The following B3GLCT variants were observed in gnomAD, a reference collection of about 807,000 sequenced individuals.
The protein encoded by B3GLCT is beta 3-glucosyltransferase.
A neutral mutation model predicts 63.4 loss-of-function variants in B3GLCT; 65 were observed. The ratio of observed to expected loss-of-function variants is 1.03; its 90% CI spans 0.84 to 1.26. The LOEUF is 1.26. B3GLCT is among the 50% of genes most tolerant of loss of function. B3GLCT has a pLI of 0.00. For synonymous variants in B3GLCT, 233 were observed against 219.2 expected (o/e 1.06, Z -0.55); for missense variants, 577 against 604.8 (o/e 0.95, Z 0.48).
intron 1 of B3GLCT, among the ~76,000 whole-genome samples, chr13:31,213,410 TGAAACC>T (rs201384791): frequency 0.026 from 4,003 of 152,182 alleles, 82 homozygotes; most frequent in Non-Finnish European, 0.036. Flanking sequence ...AGTAACATGT[TGAAACC>T]TTGTCTCCAC....
chr13:31,318,491 G>A (rs897515878), intron 13 of B3GLCT, among the ~76,000 whole-genome samples: 2 of 152,150 alleles, frequency 1.3e-5, no homozygotes, highest in Non-Finnish European at 2.9e-5. Context: ...ATTTTGTTTA[G>A]CCAATACAGT....
intron 12 of B3GLCT, among the ~76,000 whole-genome samples, chr13:31,309,338 T>C (rs1874576206): frequency 6.6e-6 from 1 of 152,198 alleles, no homozygotes; most frequent in Non-Finnish European, 1.5e-5. Context: ...GAATTTCTTC[T>C]CCCCAGCAAA....
chr13:31,205,278 C>T (rs1445248984), intron 1 of B3GLCT, among the ~76,000 whole-genome samples: 35 of 145,750 alleles, frequency 2.4e-4, no homozygotes, highest in Admixed American at 1.9e-3. Context: ...GGTGTCTGGT[C>T]GGGCATGGTG....
Position 31,241,388 on chromosome 13 carries a change from A to G in B3GLCT, c.271-5635A>G, listed in dbSNP as rs114122631. Reference sequence around the variant, plus strand: ...TGTCTAGTGGTGACAGTGGAGGCCAAGTGCAAAGCCAGCACATGCAAGTGT... The same window carrying G: ...TGTCTAGTGGTGACAGTGGAGGCCAGGTGCAAAGCCAGCACATGCAAGTGT... On this transcript the variant is annotated intron_variant, in intron 4 of 14. Transcript: ENST00000343307. Among the ~76,000 whole-genome samples, 178 of 152,328 alleles carry G rather than the reference A, an allele frequency of 1.2e-3. 1 individual carries two copies. Among genetic ancestry groups the G allele is most frequent in the African/African-American group, 4.1e-3 (172 of 41,568 alleles).
Position 31,312,662 on chromosome 13 carries a change from C to T in B3GLCT, c.1065-4904C>T, listed in dbSNP as rs542276422. 5 of 152,294 alleles carry T rather than the reference C, an allele frequency of 3.3e-5. No homozygotes were observed. The South Asian group carries it at 1.0e-3, about 32-fold the overall frequency. 9.4% of individuals were successfully genotyped at this position (152,294 alleles called of 1,614,324 possible). A position where few individuals can be genotyped will look rare whatever the true frequency, so the allele number is the denominator to read the frequency against. On this transcript the variant is annotated intron_variant, in intron 12 of 14. Transcript: ENST00000343307. Reference sequence around the variant, plus strand: ...ACTTAGTTAAGAGAGAATAAAGTTGCTTCAATAAGAAGTCGCAGGGAGCTG... The same window carrying T: ...ACTTAGTTAAGAGAGAATAAAGTTGTTTCAATAAGAAGTCGCAGGGAGCTG...
chr13:31,296,458 A>G (rs1415986020), intron 12 of B3GLCT, among the ~76,000 whole-genome samples: 1 of 152,208 alleles, frequency 6.6e-6, no homozygotes, highest in Non-Finnish European at 1.5e-5. Context: ...TCTTCTCAGA[A>G]GGGCATGAAT....
chr13:31,213,691 G>T (rs899732381), intron 1 of B3GLCT, among the ~76,000 whole-genome samples: 8 of 132,530 alleles, frequency 6.0e-5, no homozygotes, highest in African/African-American at 2.3e-4. Flanking sequence ...CAGCTGACAT[G>T]TAAGATAAGT....
chr13:31,328,413 G>C (rs781658081), intron 14 of B3GLCT, among the ~76,000 whole-genome samples: 1 of 151,988 alleles, frequency 6.6e-6, no homozygotes, highest in Non-Finnish European at 1.5e-5. Flanking sequence ...ATGATTACTG[G>C]CTGGGCAAAG....
chr13:31,323,900 G>A lies in B3GLCT; in HGVS notation c.1329+5G>A. 1 of 1,614,092 alleles carries A rather than the reference G, an allele frequency of 6.2e-7. No individual in the cohort carries two copies. Among genetic ancestry groups the A allele is most frequent in the Non-Finnish European group, 8.5e-7 (1 of 1,179,954 alleles). On this transcript the variant is annotated splice_donor_5th_base_variant and intron_variant, in intron 14 of 14. Transcript: ENST00000343307. ...CACAGCCCTCTCTTCCATCAGGTGA[G>A]GAAATGGTTTTTATTCTTCCCTCAT...
At chr13:31,264,818 G>A (rs1358666447) in intron 7 of B3GLCT, among the ~76,000 whole-genome samples, 6 of 152,132 alleles carry the variant, frequency 3.9e-5, no homozygotes, top group Admixed American at 3.9e-4. Flanking sequence ...ATTATTATTA[G>A]CTATATCAAT....
chr13:31,247,007 A>G lies in B3GLCT; in HGVS notation c.271-16A>G, dbSNP rs1260173342. 3.4e-5 allele frequency: 50 copies of G among 1,466,974 alleles called. No homozygotes were observed. The highest frequency in any genetic ancestry group is 4.5e-5 in the Non-Finnish European group (49 of 1,098,716). The allele number at this position is 1,466,974 out of a possible 1,614,324, so 90.9% of individuals were successfully genotyped here. A position where few individuals can be genotyped will look rare whatever the true frequency, so the allele number is the denominator to read the frequency against. Reference sequence around the variant, plus strand: ...AGTCAATTCATACTTATCTTCTTTGATCATTGTTTTCTCAGGAGCTCCCCA... The same window carrying G: ...AGTCAATTCATACTTATCTTCTTTGGTCATTGTTTTCTCAGGAGCTCCCCA... On this transcript the variant is annotated splice_polypyrimidine_tract_variant and intron_variant, in intron 4 of 14. Transcript: ENST00000343307.
intron 12 of B3GLCT, among the ~76,000 whole-genome samples, chr13:31,297,033 T>A (rs949657327): frequency 2.0e-5 from 3 of 152,126 alleles, no homozygotes; most frequent in African/African-American, 7.2e-5. Context: ...TTGTTTTTTT[T>A]TTTTGTGACT....
intron 12 of B3GLCT, chr13:31,311,399 AGACT>A (rs1874701869): frequency 6.6e-6 from 1 of 152,324 alleles, no homozygotes; most frequent in African/African-American, 2.4e-5. Context: ...GTACCATGCT[AGACT>A]GGCTGCTGCT....
intron 12 of B3GLCT, among the ~76,000 whole-genome samples, chr13:31,293,829 G>A (rs1478563720): frequency 6.6e-6 from 1 of 152,158 alleles, no homozygotes; most frequent in African/African-American, 2.4e-5. Flanking sequence ...ATTGTTATGT[G>A]TGAATTTGAT....
At chr13:31,225,635 C>T (rs923863536) in intron 3 of B3GLCT, among the ~76,000 whole-genome samples, 1 of 152,158 alleles carries the variant, frequency 6.6e-6, no homozygotes, top group South Asian at 2.1e-4. Flanking sequence ...TAGCCTTGTC[C>T]TCGATAATAC....
chr13:31,280,387 C>T (rs1873012069), intron 10 of B3GLCT, among the ~76,000 whole-genome samples: 1 of 152,178 alleles, frequency 6.6e-6, no homozygotes, highest in South Asian at 2.1e-4. Context: ...TCCCGCAACA[C>T]TCTGTGGTAG....
rs781624172 is a variant in B3GLCT, at chr13:31,329,505, G to A, written c.1334G>A (p.Arg445Gln). Residue 445 changes from arginine to glutamine, a missense_variant, in exon 15 of 15, where the codon CGG becomes CAG. Transcript: ENST00000343307. ...AACTCTCTATTTTTCCTGCAGGCTC[G>A]GCCGGTGGATTACCCTAAGGACTAC... is the stretch of plus-strand genomic sequence containing the variant. Reference protein sequence around the residue: ...VTHSPLFHQARPVDYPKDYLS... With the variant: ...VTHSPLFHQAQPVDYPKDYLS... 21 of 1,613,962 alleles carry A rather than the reference G, an allele frequency of 1.3e-5. No homozygotes were observed. In the Middle Eastern group the frequency reaches 6.6e-4, roughly 51 times the overall value.
chr13:31,268,936 C>T (rs1236071427), intron 7 of B3GLCT, among the ~76,000 whole-genome samples: 2 of 152,142 alleles, frequency 1.3e-5, no homozygotes, highest in Non-Finnish European at 2.9e-5. Flanking sequence ...GTCAACAAAG[C>T]TTATGACTTT....
chr13:31,322,094 A>G (rs1401541744), intron 13 of B3GLCT, among the ~76,000 whole-genome samples: 1 of 152,210 alleles, frequency 6.6e-6, no homozygotes, highest in Non-Finnish European at 1.5e-5. Flanking sequence ...TGTTTTGACC[A>G]TTTCTTTTTG....
Sources: gnomAD v4.1 joint callset for allele counts (sites outside exome capture counted in the v4.1 genomes callset) on GRCh38, gnomAD v4.1.1 for gene constraint, MANE v1.5 for transcripts, NCBI Gene and HGNC (gene_info 2026-07-23, HGNC 2026-07-21) for gene names.